The following IARS2 variants were observed in gnomAD, a reference collection of about 807,000 sequenced individuals.
The protein encoded by IARS2 is isoleucyl-tRNA synthetase 2, mitochondrial, also known as isoleucine--tRNA ligase, mitochondrial.
In IARS2, 56 loss-of-function variants were observed where a neutral mutation model predicts 126.3. The observed-to-expected ratio is 0.44, with a 90% CI of 0.36 to 0.55. IARS2 has a LOEUF of 0.55. Among genes scored for constraint, IARS2 ranks in the 20% least tolerant of loss-of-function variants. The pLI, the probability that IARS2 is intolerant of heterozygous loss-of-function variation, is 0.00. For missense variants in IARS2, 1,127 were observed against 1,245.9 expected (o/e 0.90, Z 1.44); for synonymous variants, 407 against 441.1 (o/e 0.92, Z 0.97).
intron 2 of IARS2, among the ~76,000 whole-genome samples, chr1:220,096,784 C>T (rs535219710): frequency 2.0e-5 from 3 of 152,276 alleles, no homozygotes; most frequent in South Asian, 4.1e-4. Flanking sequence ...CAGTGGCTCA[C>T]GCCTGTAATC....
chr1:220,108,972 C>T (rs901578045), intron 10 of IARS2, among the ~76,000 whole-genome samples: 3 of 147,984 alleles, frequency 2.0e-5, no homozygotes, highest in Admixed American at 1.4e-4. Flanking sequence ...TTCTCCCAAT[C>T]GGCCCCAAAG....
intron 1 of IARS2, among the ~76,000 whole-genome samples, chr1:220,095,834 A>T (rs187709856): frequency 5.6e-4 from 86 of 152,348 alleles, no homozygotes; most frequent in African/African-American, 2.0e-3. Flanking sequence ...ACTTAGTGGC[A>T]CTAAACCTTT....
At chr1:220,133,692 A>G (rs541929083) in intron 14 of IARS2, among the ~76,000 whole-genome samples, 1 of 152,296 alleles carries the variant, frequency 6.6e-6, no homozygotes, top group African/African-American at 2.4e-5. Flanking sequence ...ATAAAGTATC[A>G]TGAAGAATTA....
intron 12 of IARS2, among the ~76,000 whole-genome samples, chr1:220,116,969 C>T (rs976137695): frequency 2.0e-5 from 3 of 151,916 alleles, no homozygotes; most frequent in Non-Finnish European, 4.4e-5. Context: ...TGGTCTCGAA[C>T]TCCTGGCCAC....
At chr1:220,101,917 C>A (rs1272930498) in intron 3 of IARS2, among the ~76,000 whole-genome samples, 1 of 152,108 alleles carries the variant, frequency 6.6e-6, no homozygotes, top group Admixed American at 6.6e-5. Flanking sequence ...AGGAGAATGG[C>A]GTGAACCCGG....
chr1:220,114,568 A>G lies in IARS2; in HGVS notation c.1640+94A>G. The G allele has an allele frequency of 8.9e-6, 8 of 895,410 alleles. No homozygotes were observed. In the South Asian group the frequency reaches 1.1e-4, roughly 12 times the overall value. The allele number at this position is 895,410 out of a possible 1,614,324, so 55.5% of individuals were successfully genotyped here. A position where few individuals can be genotyped will look rare whatever the true frequency, so the allele number is the denominator to read the frequency against. On this transcript the variant is annotated intron_variant, in intron 12 of 22. Coordinates refer to ENST00000366922, the MANE Select transcript of IARS2 (RefSeq NM_018060.4). ...ATGTGGATGATTAAGAACCGTTTAT[A>G]TATGTTAAATAAAATATGCTAAAAT... is the stretch of plus-strand genomic sequence containing the variant.
intron 8 of IARS2, 94 bp from the exon 9 acceptor site, chr1:220,105,797 T>G: frequency 9.7e-7 from 1 of 1,035,648 alleles, no homozygotes; most frequent in Non-Finnish European, 1.5e-6. Context: ...TTGTTCTAGA[T>G]TCTGCACATT....
At chr1:220,117,624 G>A (rs1656954274) in intron 12 of IARS2, among the ~76,000 whole-genome samples, 1 of 152,086 alleles carries the variant, frequency 6.6e-6, no homozygotes, top group African/African-American at 2.4e-5. Flanking sequence ...GTATGTATTA[G>A]TAAATATAGC....
rs781008170 is a variant in IARS2 at position 220,145,631 on chromosome 1, G to C, written c.2874G>C (p.Gly958=). The change falls in exon 22 of 23, where the codon GGG becomes GGC. Residue 958 remains glycine, a synonymous_variant. Transcript: ENST00000366922. Reference sequence around the variant, plus strand: ...CTGCAGATGTAATCGAGCTTAAAGGGAAATTCCTCATCAACTTAGAAGGTA... The same window carrying C: ...CTGCAGATGTAATCGAGCTTAAAGGCAAATTCCTCATCAACTTAGAAGGTA... ...EMTADVIELK[G]KFLINLEGGD... is the part of the protein sequence containing the mutation. The C allele has an allele frequency of 3.1e-6, 5 of 1,612,606 alleles. No individual in the cohort carries two copies. Among genetic ancestry groups the C allele is most frequent in the Non-Finnish European group, 4.2e-6 (5 of 1,179,150 alleles).
intron 11 of IARS2, among the ~76,000 whole-genome samples, chr1:220,111,166 A>C (rs1423545154): frequency 6.6e-6 from 1 of 152,192 alleles, no homozygotes; most frequent in African/African-American, 2.4e-5. Flanking sequence ...TGTCCACATC[A>C]CACTGTTAGT....
intron 2 of IARS2, 79 bp downstream of exon 2, chr1:220,096,305 TG>T: frequency 1.7e-5 from 15 of 880,524 alleles, no homozygotes; most frequent in Non-Finnish European, 2.5e-5. Flanking sequence ...TCTAATTATA[TG>T]ATAATTATGT....
At chr1:220,140,051 T>G in intron 18 of IARS2, 132 bp from the exon 19 acceptor site, 1 of 659,386 alleles carries the variant, frequency 1.5e-6, no homozygotes, top group South Asian at 1.7e-5. Flanking sequence ...TTCCCAGGAG[T>G]TCTTGCATAT....
At chr1:220,126,944 T>A in intron 14 of IARS2, 101 bp downstream of exon 14, 1 of 792,994 alleles carries the variant, frequency 1.3e-6, no homozygotes, top group Non-Finnish European at 2.0e-6. Context: ...TGTGTGTGCT[T>A]TATTTAGAGA....
intron 12 of IARS2, 49 bp downstream of exon 12, chr1:220,114,523 T>C: frequency 7.0e-7 from 1 of 1,437,530 alleles, no homozygotes; most frequent in Non-Finnish European, 9.5e-7. Context: ...AAATATTTTT[T>C]CTTCAAAAAT....
intron 21 of IARS2, among the ~76,000 whole-genome samples, chr1:220,143,769 A>G (rs1365181130): frequency 6.6e-6 from 1 of 152,068 alleles, no homozygotes; most frequent in African/African-American, 2.4e-5. Flanking sequence ...CATTTATCCT[A>G]TTTTTATTTC....
Position 220,102,537 on chromosome 1 carries a change from T to C in IARS2, c.792T>C (p.His264=), listed in dbSNP as rs776306373. ...AEAELEYNPE[H]VSRSIYVKFP... ...CAGAACTTGAATATAATCCTGAGCA[T>C]GTCAGTCGTTCAATATATGTAAAAT... The change falls in exon 6 of 23, where the codon CAT becomes CAC. Residue 264 remains histidine (H), a synonymous_variant. Coordinates refer to ENST00000366922, the MANE Select transcript of IARS2 (RefSeq NM_018060.4). 6.2e-7 allele frequency: 1 copy of C among 1,614,058 alleles called. No homozygotes were observed. Among genetic ancestry groups the C allele is most frequent in the African/African-American group, 1.3e-5 (1 of 75,066 alleles).
At position 220,147,864 on chromosome 1, in the gene IARS2, TG is replaced by T. The variant is rs1344545360; in HGVS notation, c.*231del. The T allele has an allele frequency of 1.9e-6, 1 of 516,984 alleles. No individual in the cohort carries two copies. The highest frequency in any genetic ancestry group is 3.4e-6 in the Non-Finnish European group (1 of 292,380). 32.0% of individuals were successfully genotyped at this position (516,984 alleles called of 1,614,324 possible). The stretch of plus-strand genomic sequence containing the variant: ...ATATATGTGTGTGTGTATCTGTGGA[TG>T]GATATATGTATATCTCTTCCTATAT... On this transcript the variant is annotated 3_prime_UTR_variant, in exon 23 of 23. Transcript: ENST00000366922.
At chr1:220,101,414 G>A (rs1009888844) in intron 3 of IARS2, among the ~76,000 whole-genome samples, 3 of 152,134 alleles carry the variant, frequency 2.0e-5, no homozygotes, top group Non-Finnish European at 4.4e-5. Flanking sequence ...AATTTTTATA[G>A]GCTGGGCACA....
At chr1:220,122,972 T>C (rs1278236582) in intron 12 of IARS2, among the ~76,000 whole-genome samples, 2 of 151,948 alleles carry the variant, frequency 1.3e-5, no homozygotes, top group Non-Finnish European at 2.9e-5. Flanking sequence ...ATTTTTAGAA[T>C]TATTCTTTTT....
Sources: allele counts gnomAD v4.1 joint callset (sites outside exome capture counted in the v4.1 genomes callset), GRCh38; gene constraint gnomAD v4.1.1; transcripts MANE v1.5; gene names NCBI Gene and HGNC (gene_info 2026-07-23, HGNC 2026-07-21).